Variants in CSMD1 observed in about 807,000 individuals in gnomAD.
The protein encoded by CSMD1 is CUB and sushi domain-containing protein 1.
In CSMD1, 213 loss-of-function variants were observed where a neutral mutation model predicts 417.5. That is an observed-to-expected ratio of 0.51 (90% confidence interval 0.46 to 0.57). The LOEUF is 0.57. Ranked by LOEUF, CSMD1 falls within the 20% of genes least tolerant of loss-of-function variation. The probability of loss-of-function intolerance (pLI) is 0.00; values close to 1 mark genes in which losing one functional copy is unlikely to be tolerated. For synonymous variants in CSMD1, 2,862 were observed against 1,736.8 expected (o/e 1.65, Z -16.11); for missense variants, 6,923 against 4,529.7 (o/e 1.53, Z -15.17).
intron 1 of CSMD1, among the ~76,000 whole-genome samples, chr8:4,874,972 T>G (rs1802958694): frequency 6.6e-6 from 1 of 151,692 alleles, no homozygotes; most frequent in Non-Finnish European, 1.5e-5. Context: ...TTTTTCTCCT[T>G]TATTTCCTTC....
At chr8:3,625,067 A>T (rs1796429838) in intron 7 of CSMD1, among the ~76,000 whole-genome samples, 2 of 111,072 alleles carry the variant, frequency 1.8e-5, no homozygotes, top group East Asian at 2.4e-4. Flanking sequence ...CTACATGCAT[A>T]ACAGTTTTTT....
At position 4,975,285 on chromosome 8, in the gene CSMD1, G is replaced by C. The variant is rs182446818; in HGVS notation, c.85+19047C>G. On this transcript the variant is annotated intron_variant, in intron 1 of 69. Transcript: ENST00000635120. Reference sequence around the variant, plus strand: ...CTTACGCTTATTAAAGAGAATATCTGCTGTATATCATTTGAAGAGAGACTG... The same window carrying C: ...CTTACGCTTATTAAAGAGAATATCTCCTGTATATCATTTGAAGAGAGACTG... 3.1e-3 allele frequency among the ~76,000 whole-genome samples: 469 copies of C among 152,312 alleles called. 5 individuals are homozygous for C. The highest frequency in any genetic ancestry group is 0.011 in the African/African-American group (438 of 41,578).
intron 1 of CSMD1, among the ~76,000 whole-genome samples, chr8:4,943,126 G>T (rs1004223076): frequency 1.1e-4 from 17 of 152,160 alleles, no homozygotes; most frequent in African/African-American, 4.1e-4. Context: ...GGAATTAGTG[G>T]AGGATTAATT....
intron 52 of CSMD1, among the ~76,000 whole-genome samples, chr8:3,016,853 G>T (rs78163725): frequency 6.6e-6 from 1 of 151,994 alleles, no homozygotes; most frequent in Admixed American, 6.6e-5. Context: ...ATGTTTGGGG[G>T]CATCTCCAGG....
intron 2 of CSMD1, among the ~76,000 whole-genome samples, chr8:4,561,646 C>T (rs1213199850): frequency 6.6e-6 from 1 of 152,008 alleles, no homozygotes; most frequent in African/African-American, 2.4e-5. Context: ...TGAGCTACTG[C>T]AATCCAGCCT....
At chr8:4,518,632 G>A (rs915858232) in intron 2 of CSMD1, among the ~76,000 whole-genome samples, 19 of 139,540 alleles carry the variant, frequency 1.4e-4, no homozygotes, top group African/African-American at 4.1e-4. Context: ...GGGGGGCGGG[G>A]GGAGGAATCG....
intron 65 of CSMD1, among the ~76,000 whole-genome samples, chr8:2,952,034 C>T (rs75489285): frequency 0.015 from 2,269 of 152,146 alleles, 30 homozygotes; most frequent in Middle Eastern, 0.034. Context: ...CTTGTTTTCA[C>T]GGCTTAAGAA....
At chr8:2,979,000 C>A (rs955690059) in intron 54 of CSMD1, among the ~76,000 whole-genome samples, 200 bp from the exon 55 acceptor site, 45 of 152,164 alleles carry the variant, frequency 3.0e-4, no homozygotes, top group African/African-American at 1.1e-3. Context: ...AAGAACTGGT[C>A]GACCACGATA....
At chr8:4,722,144 A>G (rs1294893697) in intron 1 of CSMD1, among the ~76,000 whole-genome samples, 1 of 152,124 alleles carries the variant, frequency 6.6e-6, no homozygotes, top group Non-Finnish European at 1.5e-5. Flanking sequence ...GAAATTTACT[A>G]AGAGAGAAGA....
At chr8:4,169,481 T>C (rs1321878277) in intron 3 of CSMD1, among the ~76,000 whole-genome samples, 1 of 152,168 alleles carries the variant, frequency 6.6e-6, no homozygotes, top group African/African-American at 2.4e-5. Flanking sequence ...GACTCAATTC[T>C]GACCACCTCT....
intron 2 of CSMD1, among the ~76,000 whole-genome samples, chr8:4,444,693 AGG>A (rs1798677842): frequency 1.3e-5 from 2 of 152,198 alleles, no homozygotes; most frequent in Admixed American, 1.3e-4. Context: ...ATCAAAAAGC[AGG>A]GTCACTCTAA....
At chr8:3,247,456 A>G (rs952424744) in intron 26 of CSMD1, among the ~76,000 whole-genome samples, 1 of 152,184 alleles carries the variant, frequency 6.6e-6, no homozygotes, top group African/African-American at 2.4e-5. Flanking sequence ...CATTTCAGAT[A>G]CAAGCCAAGC....
chr8:4,832,332 A>C (rs914449774), intron 1 of CSMD1, among the ~76,000 whole-genome samples: 1 of 152,154 alleles, frequency 6.6e-6, no homozygotes, highest in African/African-American at 2.4e-5. Context: ...TCTTACGGAG[A>C]TGCAATGCCT....
At chr8:3,304,828 A>C (rs1459171117) in intron 25 of CSMD1, among the ~76,000 whole-genome samples, 1 of 152,076 alleles carries the variant, frequency 6.6e-6, no homozygotes, top group Admixed American at 6.6e-5. Flanking sequence ...GACAATGCTC[A>C]CTCTAATTAA....
intron 3 of CSMD1, among the ~76,000 whole-genome samples, chr8:4,154,979 C>G (rs937542618): frequency 6.6e-6 from 1 of 152,170 alleles, no homozygotes; most frequent in African/African-American, 2.4e-5. Flanking sequence ...TACCCTAATG[C>G]TACTCCAGAA....
chr8:4,982,670 T>C (rs900037053), intron 1 of CSMD1, among the ~76,000 whole-genome samples: 1 of 152,222 alleles, frequency 6.6e-6, no homozygotes, highest in African/African-American at 2.4e-5. Flanking sequence ...TATTTTTATA[T>C]GGACTCTTTT....
At chr8:4,518,250 A>C (rs1377182427) in intron 2 of CSMD1, among the ~76,000 whole-genome samples, 1 of 152,064 alleles carries the variant, frequency 6.6e-6, no homozygotes, top group Non-Finnish European at 1.5e-5. Context: ...TCTCCCTCCC[A>C]CAGACACAAA....
At chr8:3,470,873 G>T (rs923226436) in intron 11 of CSMD1, among the ~76,000 whole-genome samples, 1 of 152,130 alleles carries the variant, frequency 6.6e-6, no homozygotes. Context: ...TTATCGCTGG[G>T]TAGTATGTCA....
intron 7 of CSMD1, among the ~76,000 whole-genome samples, chr8:3,679,529 A>G (rs1456982227): frequency 2.0e-5 from 3 of 152,212 alleles, no homozygotes; most frequent in African/African-American, 7.2e-5. Context: ...ACCCAGATTC[A>G]TAAAGCAAGT....
Sources: allele counts gnomAD v4.1 joint callset (sites outside exome capture counted in the v4.1 genomes callset), GRCh38; gene constraint gnomAD v4.1.1; transcripts MANE v1.5; gene names NCBI Gene and HGNC (gene_info 2026-07-23, HGNC 2026-07-21).